The following PROSER2 variants were observed in gnomAD, a reference collection of about 807,000 sequenced individuals.
PROSER2 encodes the protein proline and serine rich 2, also known as proline and serine-rich protein 2.
Under a neutral mutation model 14.6 loss-of-function variants are expected in PROSER2, and 18 were observed. The observed-to-expected ratio is 1.23, with a 90% CI of 0.85 to 1.83. The LOEUF (loss-of-function observed/expected upper bound fraction) is 1.83, where lower values mean the gene tolerates loss of function less well. Among genes scored for constraint, PROSER2 ranks in the 40% most tolerant of loss-of-function variants. The pLI, the probability that PROSER2 is intolerant of heterozygous loss-of-function variation, is 0.00. For synonymous variants in PROSER2, 367 were observed against 286.4 expected (o/e 1.28, Z -2.84); for missense variants, 823 against 629.8 (o/e 1.31, Z -3.28).
rs1191067253 is a variant in PROSER2, at chr10:11,872,066, T to C, written c.*1660T>C. 6.6e-6 allele frequency: 1 copy of C among 152,234 alleles called. No individual in the cohort carries two copies. Among genetic ancestry groups the C allele is most frequent in the African/African-American group, 2.4e-5 (1 of 41,464 alleles). The allele number at this position is 152,234 out of a possible 1,614,324, so 9.4% of individuals were successfully genotyped here. A position where few individuals can be genotyped will look rare whatever the true frequency, so the allele number is the denominator to read the frequency against. On this transcript the variant is annotated 3_prime_UTR_variant, in exon 4 of 4. Coordinates refer to ENST00000277570, the MANE Select transcript of PROSER2 (RefSeq NM_153256.4). ...TGGTTTAAAGGATTTATAAGGGCTG[T>C]GTTTGCTCTTTACAAGGCAAGATGC...
rs1409445210 is a variant in PROSER2, at chr10:11,837,174, C to T, written c.-82+13704C>T. Among the ~76,000 whole-genome samples, 2 of 151,974 alleles carry T rather than the reference C, an allele frequency of 1.3e-5. No individual in the cohort carries two copies. Among genetic ancestry groups the T allele is most frequent in the Non-Finnish European group, 2.9e-5 (2 of 68,018 alleles). The stretch of plus-strand genomic sequence containing the variant: ...CTGAAGAGAAGCTACCAAGTGCTTC[C>T]TTTAAGTGAAAAGATGTGAAAGTTC... On this transcript the variant is annotated intron_variant, in intron 1 of 3. Transcript: ENST00000277570. The surrounding 1 kb of genome is among the most constrained non-coding windows in gnomAD (Gnocchi z 4.6).
chr10:11,835,438 C>T (rs1324645), intron 1 of PROSER2, among the ~76,000 whole-genome samples: 127,468 of 152,160 alleles, frequency 0.84, 53,590 homozygotes, highest in East Asian at 1. Context: ...CTATAAATTA[C>T]TTTTAGAGTA....
intron 2 of PROSER2, among the ~76,000 whole-genome samples, chr10:11,858,290 T>C (rs1333408440): frequency 6.6e-6 from 1 of 152,190 alleles, no homozygotes; most frequent in Non-Finnish European, 1.5e-5. Flanking sequence ...CTTCTCAGCA[T>C]TTTTGTTCAA....
At chr10:11,854,225 T>C (rs760178758) in intron 2 of PROSER2, among the ~76,000 whole-genome samples, 3 of 152,256 alleles carry the variant, frequency 2.0e-5, no homozygotes, top group Non-Finnish European at 4.4e-5. Flanking sequence ...TGTCATCTTA[T>C]TATTTCACAG....
intron 2 of PROSER2, among the ~76,000 whole-genome samples, chr10:11,860,212 T>A (rs1231746599): frequency 3.9e-5 from 6 of 152,182 alleles, no homozygotes; most frequent in Non-Finnish European, 7.4e-5. Flanking sequence ...ACACACCAGG[T>A]GCCCAGCACT....
chr10:11,827,904 C>G (rs183144230), intron 1 of PROSER2, among the ~76,000 whole-genome samples: 2 of 152,016 alleles, frequency 1.3e-5, no homozygotes, highest in East Asian at 3.9e-4. Flanking sequence ...TCTTGAACCC[C>G]TGGGTTCAAG....
At position 11,871,500 on chromosome 10, in the gene PROSER2, T is replaced by C. The variant is rs916134728; in HGVS notation, c.*1094T>C. 6.6e-6 allele frequency: 1 copy of C among 152,114 alleles called. No homozygotes were observed. Among genetic ancestry groups the C allele is most frequent in the Non-Finnish European group, 1.5e-5 (1 of 68,016 alleles). The allele number at this position is 152,114 out of a possible 1,614,324, so 9.4% of individuals were successfully genotyped here. On this transcript the variant is annotated 3_prime_UTR_variant, in exon 4 of 4. Transcript: ENST00000277570. ...AATTTTAGTTCTGCATGTTCCGAGGTAGCCAGTCAACAGAAGGAAGCAAAA... is the reference window on the plus strand; with the variant it reads ...AATTTTAGTTCTGCATGTTCCGAGGCAGCCAGTCAACAGAAGGAAGCAAAA...
rs1833760530 is a variant in PROSER2 at position 11,836,351 on chromosome 10, C to T, written c.-82+12881C>T. Among the ~76,000 whole-genome samples the T allele has an allele frequency of 6.6e-6, 1 of 152,110 alleles. No homozygotes were observed. Among genetic ancestry groups the T allele is most frequent in the South Asian group, 2.1e-4 (1 of 4,808 alleles). On this transcript the variant is annotated intron_variant, in intron 1 of 3. Transcript: ENST00000277570. The surrounding 1 kb of genome is among the most constrained non-coding windows in gnomAD (Gnocchi z 4.6). Reference sequence around the variant, plus strand: ...AGTTGGGATTACGGGCGCATACCACCACACCCGGCTAATTTTTGCATTTTT... The same window carrying T: ...AGTTGGGATTACGGGCGCATACCACTACACCCGGCTAATTTTTGCATTTTT...
chr10:11,871,010 G>C lies in PROSER2; in HGVS notation c.*604G>C, dbSNP rs1028941648. ...AACTGAAATGAAACCTTTAGATATT[G>C]AGTTTTGGGAGTGAAATGGAAAGGT... On this transcript the variant is annotated 3_prime_UTR_variant, in exon 4 of 4. Coordinates refer to ENST00000277570, the MANE Select transcript of PROSER2 (RefSeq NM_153256.4). The C allele has an allele frequency of 5.9e-5, 9 of 152,124 alleles. No individual in the cohort carries two copies. The highest frequency in any genetic ancestry group is 5.2e-4 in the Admixed American group (8 of 15,268). The allele number at this position is 152,124 out of a possible 1,614,324, so 9.4% of individuals were successfully genotyped here.
chr10:11,854,998 A>C (rs1014626234), intron 2 of PROSER2, among the ~76,000 whole-genome samples: 3 of 152,088 alleles, frequency 2.0e-5, no homozygotes, highest in Non-Finnish European at 4.4e-5. Flanking sequence ...AAGGTCATGA[A>C]AGATTAGTCA....
At chr10:11,840,977 T>A (rs1421582559) in intron 1 of PROSER2, among the ~76,000 whole-genome samples, 1 of 107,926 alleles carries the variant, frequency 9.3e-6, no homozygotes, top group Admixed American at 9.8e-5. Context: ...TATATATATA[T>A]ATATATATAT....
At chr10:11,827,130 C>T (rs899741301) in intron 1 of PROSER2, among the ~76,000 whole-genome samples, 1 of 151,606 alleles carries the variant, frequency 6.6e-6, no homozygotes. Context: ...AAGCGATCTT[C>T]CCACATCTGC....
chr10:11,858,095 T>C (rs1434546062), intron 2 of PROSER2, among the ~76,000 whole-genome samples: 1 of 152,118 alleles, frequency 6.6e-6, no homozygotes, highest in Non-Finnish European at 1.5e-5. Flanking sequence ...CTACCACGCC[T>C]GGCTAATTTT....
At chr10:11,843,826 TG>T (rs1165169756) in intron 1 of PROSER2, among the ~76,000 whole-genome samples, 1 of 151,702 alleles carries the variant, frequency 6.6e-6, no homozygotes, top group Non-Finnish European at 1.5e-5. Flanking sequence ...CACTCCAACC[TG>T]GGTGATAGAG....
rs1240475212 is a variant in PROSER2 at position 11,862,051 on chromosome 10, C to T, written c.139-4480C>T. ...GCCCAGCGCCTGAGAGTTTCTAATG[C>T]GGCAGGTCTGGGATCGGACCCAGGA... On this transcript the variant is annotated intron_variant, in intron 2 of 3. Coordinates refer to ENST00000277570, the MANE Select transcript of PROSER2 (RefSeq NM_153256.4). The surrounding 1 kb of genome is among the most constrained non-coding windows in gnomAD (Gnocchi z 4.2). Among the ~76,000 whole-genome samples, 7 of 152,214 alleles carry T rather than the reference C, an allele frequency of 4.6e-5. No individual in the cohort carries two copies. Among genetic ancestry groups the T allele is most frequent in the Admixed American group, 3.3e-4 (5 of 15,282 alleles).
rs913677154 is a variant in PROSER2, at chr10:11,838,872, C to T, written c.-81-13125C>T. 6.6e-6 allele frequency among the ~76,000 whole-genome samples: 1 copy of T among 152,046 alleles called. No homozygotes were observed. Among genetic ancestry groups the T allele is most frequent in the Non-Finnish European group, 1.5e-5 (1 of 68,012 alleles). Reference sequence around the variant, plus strand: ...TTAGTTTAGAAGGTTTTCTTATATTCTAGCTATCAATTCCTTATACGTATT... The same window carrying T: ...TTAGTTTAGAAGGTTTTCTTATATTTTAGCTATCAATTCCTTATACGTATT... On this transcript the variant is annotated intron_variant, in intron 1 of 3. Coordinates refer to ENST00000277570, the MANE Select transcript of PROSER2 (RefSeq NM_153256.4). This position sits in a 1 kb window ranked among gnomAD's most constrained non-coding sequence, Gnocchi z 4.4.
chr10:11,830,955 A>G lies in PROSER2; in HGVS notation c.-82+7485A>G, dbSNP rs999209472. Among the ~76,000 whole-genome samples, 1 of 152,182 alleles carries G rather than the reference A, an allele frequency of 6.6e-6. No individual in the cohort carries two copies. The highest frequency in any genetic ancestry group is 1.5e-5 in the Non-Finnish European group (1 of 68,024). ...TGGTTACTGGCCTCACCTTACTGAC[A>G]TCATCCATCATCTGGCTCGCAAAGG... is the stretch of plus-strand genomic sequence containing the variant. On this transcript the variant is annotated intron_variant, in intron 1 of 3. Transcript: ENST00000277570. The surrounding 1 kb of genome is among the most constrained non-coding windows in gnomAD (Gnocchi z 4.5).
rs1477448887 is a variant in PROSER2 at position 11,837,329 on chromosome 10, A to C, written c.-82+13859A>C. 1.3e-5 allele frequency among the ~76,000 whole-genome samples: 2 copies of C among 152,256 alleles called. No homozygotes were observed. Among genetic ancestry groups the C allele is most frequent in the Non-Finnish European group, 2.9e-5 (2 of 68,050 alleles). On this transcript the variant is annotated intron_variant, in intron 1 of 3. Transcript: ENST00000277570. The surrounding 1 kb of genome is among the most constrained non-coding windows in gnomAD (Gnocchi z 4.6). The stretch of plus-strand genomic sequence containing the variant: ...TATATTAGTTTTGCTGTCACACTTC[A>C]TACGTTCAAGTTATGACCACTGTGT...
At chr10:11,859,537 C>T (rs1241781353) in intron 2 of PROSER2, among the ~76,000 whole-genome samples, 69 of 152,324 alleles carry the variant, frequency 4.5e-4, no homozygotes, top group Non-Finnish European at 1.8e-4. Flanking sequence ...CCAACTCACC[C>T]TTGCCCAAGA....
Sources: allele counts gnomAD v4.1 joint callset (sites outside exome capture counted in the v4.1 genomes callset), GRCh38; gene constraint gnomAD v4.1.1; non-coding constraint Gnocchi (gnomAD v3.1); transcripts MANE v1.5; gene names NCBI Gene and HGNC (gene_info 2026-07-23, HGNC 2026-07-21).